The following USH1C variants were observed in gnomAD, a reference collection of about 807,000 sequenced individuals.
USH1C encodes harmonin.
Under a neutral mutation model 119.3 loss-of-function variants are expected in USH1C, and 90 were observed. That is an observed-to-expected ratio of 0.75 (90% CI 0.64 to 0.90). The LOEUF (loss-of-function observed/expected upper bound fraction) is 0.90, where lower values mean the gene tolerates loss of function less well. USH1C is among the 40% of genes least tolerant of loss of function. USH1C has a pLI of 0.00. For missense variants in USH1C, 1,165 were observed against 1,167.7 expected, an observed-to-expected ratio of 1.00 and a Z score of 0.03; for synonymous variants, 465 against 443.3, an observed-to-expected ratio of 1.05 and a Z score of -0.62.
chr11:17,527,381 A>G, intron 4 of USH1C, 50 bp from the exon 5 acceptor site: 1 of 1,429,410 alleles, frequency 7.0e-7, no homozygotes, highest in Non-Finnish European at 9.8e-7. Context: ...AGCATCAGGC[A>G]GTGGGGCAGA....
At position 17,511,945 on chromosome 11, in the gene USH1C, A is replaced by G; in HGVS notation, c.1370T>C (p.Leu457Pro). 6.2e-7 allele frequency: 1 copy of G among 1,614,138 alleles called. No individual in the cohort carries two copies. The highest frequency in any genetic ancestry group is 8.5e-7 in the Non-Finnish European group (1 of 1,180,016). The change falls in exon 16 of 27, where the codon CTG (leucine) becomes CCG (proline). Residue 457 changes from leucine (L) to proline (P), a missense_variant. Transcript: ENST00000005226. ...QKLYKEKEEM[L>P]EKEKQLKINR... ...GATCTTTAGCTGCTTTTCCTTCTCCAGCATTTCCTCTTTCTCTTTGTAAAG... is the reference window on the plus strand; with the variant it reads ...GATCTTTAGCTGCTTTTCCTTCTCCGGCATTTCCTCTTTCTCTTTGTAAAG...
At chr11:17,510,604 C>T (rs746629788) in intron 16 of USH1C, 83 bp from the exon 17 acceptor site, 4 of 1,028,602 alleles carry the variant, frequency 3.9e-6, no homozygotes, top group South Asian at 1.3e-5. Flanking sequence ...TGAAAGCACT[C>T]CTTTAGAAAC....
Position 17,494,454 on chromosome 11 carries a change from C to T in USH1C, c.2656-78G>A, listed in dbSNP as rs1317377742. The T allele has an allele frequency of 1.3e-6, 2 of 1,497,876 alleles. 1 individual carries two copies. Among genetic ancestry groups the T allele is most frequent in the South Asian group, 2.4e-5 (2 of 83,048 alleles). The allele number at this position is 1,497,876 out of a possible 1,614,324, so 92.8% of individuals were successfully genotyped here. On this transcript the variant is annotated intron_variant, in intron 26 of 26. Coordinates refer to ENST00000005226, the MANE Select transcript of USH1C (RefSeq NM_153676.4). The stretch of plus-strand genomic sequence containing the variant: ...TCAGCCCAGCCAGAGCAAGGCCCCA[C>T]AAGGGGGAGTACCCACTCTGGCAGC...
intron 14 of USH1C, among the ~76,000 whole-genome samples, chr11:17,518,826 C>T (rs1850276173): frequency 6.6e-6 from 1 of 152,120 alleles, no homozygotes; most frequent in African/African-American, 2.4e-5. Flanking sequence ...TCAAGACCTG[C>T]CTGACCAACA....
intron 4 of USH1C, among the ~76,000 whole-genome samples, chr11:17,529,214 G>A (rs905744261): frequency 2.0e-4 from 31 of 152,244 alleles, no homozygotes; most frequent in African/African-American, 6.0e-4. Context: ...TAATTTTCTA[G>A]GTCTGGAATA....
intron 16 of USH1C, among the ~76,000 whole-genome samples, chr11:17,511,041 C>T (rs751572684): frequency 2.0e-4 from 31 of 152,260 alleles, no homozygotes; most frequent in Middle Eastern, 6.8e-3. Context: ...CATTCTGATT[C>T]ATGGATGCGT....
intron 15 of USH1C, among the ~76,000 whole-genome samples, 188 bp from the exon 16 acceptor site, chr11:17,512,242 G>T (rs188695041): frequency 5.7e-4 from 86 of 152,176 alleles, no homozygotes; most frequent in Non-Finnish European, 9.4e-4. Context: ...CTGCAGAGTG[G>T]GAGACACATT....
intron 4 of USH1C, among the ~76,000 whole-genome samples, chr11:17,529,815 A>G (rs1168134464): frequency 6.6e-6 from 1 of 152,242 alleles, no homozygotes; most frequent in Non-Finnish European, 1.5e-5. Flanking sequence ...TAAGCCTGAG[A>G]AACAGCCAGG....
intron 15 of USH1C, among the ~76,000 whole-genome samples, chr11:17,515,065 T>TTGTGTGTGTGTG (rs61540326): frequency 1.3e-5 from 2 of 150,290 alleles, no homozygotes; most frequent in Non-Finnish European, 3.0e-5. Flanking sequence ...GTGTGTGTGC[T>TTGTGTGTGTGTG]TGTGTGTGTG....
intron 12 of USH1C, among the ~76,000 whole-genome samples, chr11:17,521,614 G>A (rs140145430): frequency 2.6e-5 from 4 of 152,322 alleles, no homozygotes; most frequent in African/African-American, 9.6e-5. Context: ...TGGCATGGCT[G>A]AGCAGAGATG....
At chr11:17,512,717 C>G (rs1053723233) in intron 15 of USH1C, among the ~76,000 whole-genome samples, 1 of 152,186 alleles carries the variant, frequency 6.6e-6, no homozygotes, top group South Asian at 2.1e-4. Flanking sequence ...CCATTTCACC[C>G]TGGAGAGTCT....
At chr11:17,507,010 G>C (rs1849675340) in intron 18 of USH1C, among the ~76,000 whole-genome samples, 1 of 152,248 alleles carries the variant, frequency 6.6e-6, no homozygotes, top group South Asian at 2.1e-4. Context: ...GACAGTGCCT[G>C]TGGATAGATC....
chr11:17,506,048 T>G (rs935444070), intron 18 of USH1C, 99 bp from the exon 19 acceptor site: 5 of 1,565,124 alleles, frequency 3.2e-6, no homozygotes, highest in Admixed American at 3.4e-5. Context: ...CACCCATGCA[T>G]ATGTGAAGCC....
chr11:17,543,672 G>A (rs1393044602), intron 1 of USH1C, among the ~76,000 whole-genome samples: 3 of 152,152 alleles, frequency 2.0e-5, no homozygotes, highest in Non-Finnish European at 1.5e-5. Flanking sequence ...GGATCTGGCC[G>A]GCCAGAGCCC....
rs376949470 is a variant in USH1C, at chr11:17,533,264, A to T, written c.95T>A (p.Met32Lys). 6.2e-7 allele frequency: 1 copy of T among 1,613,960 alleles called. No homozygotes were observed. Among genetic ancestry groups the T allele is most frequent in the Non-Finnish European group, 8.5e-7 (1 of 1,179,848 alleles). ...EKDYLYDVLRMYHQTMDVAVL... is the reference protein window; with the variant it reads ...EKDYLYDVLRKYHQTMDVAVL... ...GACCCAGCACACTTACTGGTGGTAC[A>T]TTCGCAGCACATCATAGAGATAGTC... The change falls in exon 2 of 27, where the codon ATG becomes AAG. Residue 32 changes from methionine (M) to lysine (K), a missense_variant. By Grantham distance (95) the Met-to-Lys change is moderately conservative (BLOSUM62 -1). Transcript: ENST00000005226.
Position 17,501,119 on chromosome 11 carries a change from C to T in USH1C, c.2312G>A (p.Gly771Asp), listed in dbSNP as rs763628668. 6 of 1,614,080 alleles carry T rather than the reference C, an allele frequency of 3.7e-6. No homozygotes were observed. The highest frequency in any genetic ancestry group is 3.3e-5 in the South Asian group (3 of 91,062). The change falls in exon 23 of 27, where the codon GGT becomes GAT. Residue 771 changes from glycine (G) to aspartate (D), a missense_variant. By Grantham distance (94) the Gly-to-Asp change is moderately conservative. Coordinates refer to ENST00000005226, the MANE Select transcript of USH1C (RefSeq NM_153676.4). ...EGSLDLALEG[G>D]VDSPIGKVVV... Reference sequence around the variant, plus strand: ...CACCTTCCCAATGGGGGAGTCCACACCGCCTTCCAGGGCCAGGTCTAAGGA... The same window carrying T: ...CACCTTCCCAATGGGGGAGTCCACATCGCCTTCCAGGGCCAGGTCTAAGGA...
intron 8 of USH1C, among the ~76,000 whole-genome samples, chr11:17,524,831 T>A (rs4756898): frequency 6.6e-6 from 1 of 152,036 alleles, no homozygotes; most frequent in Admixed American, 6.6e-5. Flanking sequence ...ATAAGGTTTT[T>A]ACCAGATCCT....
intron 2 of USH1C, 32 bp downstream of exon 2, chr11:17,533,223 T>A (rs752841642): frequency 3.2e-6 from 5 of 1,587,140 alleles, no homozygotes; most frequent in Non-Finnish European, 4.3e-6. Context: ...GGAACCCAAG[T>A]GGCCCACAAG....
At chr11:17,498,337 G>A in intron 23 of USH1C, 66 bp from the exon 24 acceptor site, 5 of 1,433,134 alleles carry the variant, frequency 3.5e-6, no homozygotes, top group East Asian at 2.3e-5. Context: ...CCAGGGCTTG[G>A]CAAAGGGGGG....
Sources: gnomAD v4.1 joint callset for allele counts (sites outside exome capture counted in the v4.1 genomes callset) on GRCh38, gnomAD v4.1.1 for gene constraint, MANE v1.5 for transcripts, NCBI Gene and HGNC (gene_info 2026-07-23, HGNC 2026-07-21) for gene names.